The following CDH23 variants were observed in gnomAD, a reference collection of about 807,000 sequenced individuals.
CDH23 encodes the protein cadherin related 23.
Under a neutral mutation model 317.1 loss-of-function variants are expected in CDH23, and 189 were observed. The ratio of observed to expected loss-of-function variants is 0.60; its 90% CI spans 0.53 to 0.67. CDH23 has a LOEUF of 0.67. Ranked by LOEUF, CDH23 falls within the 30% of genes least tolerant of loss-of-function variation. The pLI is 0.00. For missense variants in CDH23, 4,401 were observed against 4,592.4 expected (o/e 0.96, Z 1.20); for synonymous variants, 1,839 against 1,876.8 (o/e 0.98, Z 0.52).
At position 71,687,735 on chromosome 10, in the gene CDH23, G is replaced by C; in HGVS notation, c.2059+16G>C. On this transcript the variant is annotated intron_variant, in intron 19 of 69. Coordinates refer to ENST00000224721, the MANE Select transcript of CDH23 (RefSeq NM_022124.6). ...ATCATGGCAGGTACAGGCTCAGGTC[G>C]GGGGGTGGGGGGCACATGGAGGTAG... 6.2e-7 allele frequency: 1 copy of C among 1,610,660 alleles called. No individual in the cohort carries two copies. The highest frequency in any genetic ancestry group is 8.5e-7 in the Non-Finnish European group (1 of 1,177,844).
chr10:71,517,858 C>T (rs556229067), intron 6 of CDH23, among the ~76,000 whole-genome samples: 4 of 152,312 alleles, frequency 2.6e-5, no homozygotes, highest in East Asian at 1.9e-4. Flanking sequence ...CTATGGCCCT[C>T]GGCGACCACC....
At chr10:71,713,104 A>C (rs1179797616) in intron 28 of CDH23, 1 of 770,014 alleles carries the variant, frequency 1.3e-6, no homozygotes, top group East Asian at 2.5e-5. Context: ...AGGGCCTTTC[A>C]GAGTAGCGGG....
At chr10:71,780,884 G>A (rs1413982631) in intron 41 of CDH23, among the ~76,000 whole-genome samples, 2 of 152,084 alleles carry the variant, frequency 1.3e-5, no homozygotes, top group Admixed American at 6.5e-5. Flanking sequence ...GGCCACCTCT[G>A]GTGTAATTCA....
intron 9 of CDH23, 24 bp from the exon 10 acceptor site, chr10:71,615,480 C>T (rs1317294421): frequency 6.3e-7 from 1 of 1,583,042 alleles, no homozygotes; most frequent in East Asian, 2.2e-5. Context: ...CCTGGTCACA[C>T]CTGAATGCTT....
intron 1 of CDH23, among the ~76,000 whole-genome samples, chr10:71,408,462 G>A (rs937214388): frequency 6.6e-6 from 1 of 152,170 alleles, no homozygotes; most frequent in Non-Finnish European, 1.5e-5. Context: ...TTCCTTCTCT[G>A]ATCTTCCTCA....
intron 48 of CDH23, 36 bp downstream of exon 48, chr10:71,793,676 G>T: frequency 6.9e-7 from 1 of 1,456,416 alleles, no homozygotes. Flanking sequence ...CTCCCTCCCA[G>T]CTCCCAGTCC....
intron 3 of CDH23, among the ~76,000 whole-genome samples, chr10:71,465,793 C>T (rs1391045202): frequency 5.3e-5 from 8 of 152,340 alleles, no homozygotes; most frequent in African/African-American, 1.4e-4. Context: ...AGAAAGCAAA[C>T]GGCCGAAAGC....
intron 18 of CDH23, among the ~76,000 whole-genome samples, chr10:71,686,885 T>C (rs777253543): frequency 2.0e-5 from 3 of 152,114 alleles, no homozygotes; most frequent in Non-Finnish European, 4.4e-5. Context: ...AAGTCTCTTC[T>C]AATTGAAGAG....
chr10:71,482,916 A>T (rs778846117), intron 3 of CDH23, among the ~76,000 whole-genome samples: 30 of 152,240 alleles, frequency 2.0e-4, no homozygotes, highest in Non-Finnish European at 1.5e-4. Context: ...AAGCGTGCCC[A>T]TTAATCTGTA....
rs544816431 is a variant in CDH23, at chr10:71,574,197, C to T, written c.753+3279C>T. 7.9e-5 allele frequency among the ~76,000 whole-genome samples: 12 copies of T among 152,044 alleles called. No homozygotes were observed. In the South Asian group the frequency reaches 1.3e-3, roughly 16 times the overall value. ...CTCCCCAACTCCCCCTCTTTATCTG[C>T]GGCTCACAGCATGTATGCCTCCCCC... On this transcript the variant is annotated intron_variant, in intron 8 of 69. Coordinates refer to ENST00000224721, the MANE Select transcript of CDH23 (RefSeq NM_022124.6).
chr10:71,462,892 C>A (rs1202596723), intron 3 of CDH23, among the ~76,000 whole-genome samples: 1 of 152,240 alleles, frequency 6.6e-6, no homozygotes, highest in Non-Finnish European at 1.5e-5. Context: ...AGAAGATACA[C>A]GTGGGAGTGC....
chr10:71,809,988 TC>T lies in CDH23; in HGVS notation c.8895del (p.Asp2966ThrfsTer37), dbSNP rs1349469052. The T allele has an allele frequency of 6.2e-7, 1 of 1,612,168 alleles. No individual in the cohort carries two copies. Among genetic ancestry groups the T allele is most frequent in the Non-Finnish European group, 8.5e-7 (1 of 1,179,872 alleles). ...CGCGTCAAGATCGTCATTAACGAGA[TC>T]CCCGACCGTGTGCGCGGCTTCGAGG... Reference protein sequence around the residue: ...DQRVKIVINEIPDRVRGFEEE... With the variant: ...DQRVKIVINEXPDRVRGFEEE... On this transcript the variant is annotated frameshift_variant, in exon 61 of 70. Coordinates refer to ENST00000224721, the MANE Select transcript of CDH23 (RefSeq NM_022124.6). LOFTEE classifies it high-confidence loss of function.
Position 71,791,312 on chromosome 10 carries a change from A to G in CDH23, c.6230A>G (p.His2077Arg), listed in dbSNP as rs763181641. 33 of 1,613,606 alleles carry G rather than the reference A, an allele frequency of 2.0e-5. No individual in the cohort carries two copies. In the South Asian group the frequency reaches 3.4e-4, roughly 17 times the overall value. Residue 2077 changes from histidine to arginine, a missense_variant, in exon 47 of 70, where the codon CAT (histidine) becomes CGT (arginine). Physicochemically the swap from His to Arg is conservative, Grantham distance 29. Coordinates refer to ENST00000224721, the MANE Select transcript of CDH23 (RefSeq NM_022124.6). The stretch of plus-strand genomic sequence containing the variant: ...TTTAGCCCTGCCACCCTCACTGTCC[A>G]TCTGCTAGAGAACTGCCCGCCTGGT... The part of the protein sequence containing the change: ...PTFSPATLTV[H>R]LLENCPPGFS...
intron 22 of CDH23, among the ~76,000 whole-genome samples, chr10:71,696,445 A>G (rs1865394761): frequency 6.6e-6 from 1 of 152,174 alleles, no homozygotes; most frequent in Non-Finnish European, 1.5e-5. Flanking sequence ...ACTGTGGAGG[A>G]GACAGACTTA....
chr10:71,407,988 TA>T (rs1346472873), intron 1 of CDH23, among the ~76,000 whole-genome samples: 16 of 152,294 alleles, frequency 1.1e-4, no homozygotes, highest in Admixed American at 9.2e-4. Context: ...TGCGATAACC[TA>T]AAAATCGTGC....
chr10:71,792,908 T>G (rs1726712810), intron 47 of CDH23, among the ~76,000 whole-genome samples: 1 of 143,250 alleles, frequency 7.0e-6, no homozygotes, highest in African/African-American at 2.6e-5. Context: ...GTGACTTGTA[T>G]AATTGACAGA....
At chr10:71,663,473 A>G (rs1329450039) in intron 14 of CDH23, among the ~76,000 whole-genome samples, 6 of 152,074 alleles carry the variant, frequency 3.9e-5, no homozygotes, top group African/African-American at 2.4e-5. Flanking sequence ...TGACTGACTC[A>G]TGGTCCCTGG....
chr10:71,739,328 A>G (rs117388116), intron 35 of CDH23, among the ~76,000 whole-genome samples: 3,246 of 152,030 alleles, frequency 0.021, 215 homozygotes, highest in East Asian at 0.19. Flanking sequence ...GCGTGTGCCC[A>G]CCCCAGCAGC....
chr10:71,659,066 CGTG>C (rs1190812156), intron 14 of CDH23, among the ~76,000 whole-genome samples: 2 of 152,162 alleles, frequency 1.3e-5, no homozygotes, highest in East Asian at 3.8e-4. Flanking sequence ...ACAGAGAGCC[CGTG>C]ACACCCTGTG....
Sources: allele counts gnomAD v4.1 joint callset (sites outside exome capture counted in the v4.1 genomes callset), GRCh38; gene constraint gnomAD v4.1.1; transcripts MANE v1.5; gene names NCBI Gene and HGNC (gene_info 2026-07-23, HGNC 2026-07-21).